LTBP1: variants seen among roughly 807,000 people sequenced by gnomAD.
The protein encoded by LTBP1 is latent transforming growth factor beta binding protein 1, also known as latent-transforming growth factor beta-binding protein 1.
Under a neutral mutation model 207.6 loss-of-function variants are expected in LTBP1, and 129 were observed. The ratio of observed to expected loss-of-function variants is 0.62; its 90% CI spans 0.54 to 0.72. The LOEUF is 0.72. Ranked by LOEUF, LTBP1 falls within the 30% of genes least tolerant of loss-of-function variation. The pLI is 0.00. For synonymous variants in LTBP1, 963 were observed against 833.7 expected (o/e 1.16, Z -2.67); for missense variants, 2,281 against 2,217.2 (o/e 1.03, Z -0.58).
At position 33,149,228 on chromosome 2, in the gene LTBP1, C is replaced by CAAAAAAAAAAA. The variant is rs58303103; in HGVS notation, c.1201+14285_1201+14295dup. Among the ~76,000 whole-genome samples, 84 of 82,758 alleles carry CAAAAAAAAAAA rather than the reference C, an allele frequency of 1.0e-3. 3 individuals carry two copies. Among genetic ancestry groups the CAAAAAAAAAAA allele is most frequent in the Non-Finnish European group, 1.2e-3 (54 of 44,432 alleles). 54.3% of individuals were successfully genotyped at this position (82,758 alleles called of 152,430 possible). On this transcript the variant is annotated intron_variant, in intron 5 of 33. Transcript: ENST00000404816. ...AGACTCCGTCTCACTCACAAAAAAA[C>CAAAAAAAAAAA]AAAAAAAAAAAAAAAAAAAAAAAAA...
intron 9 of LTBP1, among the ~76,000 whole-genome samples, chr2:33,226,178 C>T (rs897251905): frequency 1.1e-4 from 16 of 152,094 alleles, no homozygotes; most frequent in African/African-American, 2.9e-4. Flanking sequence ...TTGCCTGCTA[C>T]GATTATGGAA....
chr2:33,091,710 A>G (rs970458200), intron 3 of LTBP1, among the ~76,000 whole-genome samples: 8 of 152,178 alleles, frequency 5.3e-5, no homozygotes, highest in African/African-American at 1.9e-4. Flanking sequence ...GAATCCTCTG[A>G]CTAATCGCCC....
chr2:33,029,401 C>T (rs1258953804), intron 3 of LTBP1, among the ~76,000 whole-genome samples: 2 of 152,184 alleles, frequency 1.3e-5, no homozygotes, highest in East Asian at 1.9e-4. Flanking sequence ...CTCTTGAACC[C>T]GAGAGGTGGA....
chr2:33,389,078 A>C (rs1330553941), intron 31 of LTBP1, 106 bp from the exon 32 acceptor site: 121 of 1,484,126 alleles, frequency 8.2e-5, no homozygotes, highest in Non-Finnish European at 1.0e-4. Context: ...ATGGAGACAC[A>C]CGTGGAAGGG....
chr2:33,182,033 A>T lies in LTBP1; in HGVS notation c.1202-4823A>T, dbSNP rs530233966. On this transcript the variant is annotated intron_variant, in intron 5 of 33. Coordinates refer to ENST00000404816, the MANE Select transcript of LTBP1 (RefSeq NM_206943.4). Reference sequence around the variant, plus strand: ...TTATTGAGCTGAGACAAAGAGCTTTATATTGTCATTTAGATTTTAGAAATG... The same window carrying T: ...TTATTGAGCTGAGACAAAGAGCTTTTTATTGTCATTTAGATTTTAGAAATG... 2.0e-5 allele frequency among the ~76,000 whole-genome samples: 3 copies of T among 152,314 alleles called. No homozygotes were observed. The East Asian group carries it at 5.8e-4, about 29-fold the overall frequency.
intron 22 of LTBP1, among the ~76,000 whole-genome samples, chr2:33,303,382 G>A (rs576295989): frequency 5.9e-4 from 81 of 137,942 alleles, no homozygotes; most frequent in African/African-American, 1.9e-3. Flanking sequence ...ACGGAATCTC[G>A]CTCTGTCACC....
At chr2:33,309,684 T>C in intron 23 of LTBP1, 128 bp downstream of exon 23, 1 of 1,103,118 alleles carries the variant, frequency 9.1e-7, no homozygotes, top group Non-Finnish European at 1.3e-6. Flanking sequence ...TTTTTGATAT[T>C]AAAATAGCTG....
intron 3 of LTBP1, among the ~76,000 whole-genome samples, chr2:33,038,734 G>A (rs2076042853): frequency 6.6e-6 from 1 of 152,228 alleles, no homozygotes; most frequent in African/African-American, 2.4e-5. Context: ...TGTGCTGCAA[G>A]GAACCCATAG....
At chr2:33,327,421 TACAAGACTAAAGAACAATAGA>T (rs2094441372) in intron 24 of LTBP1, among the ~76,000 whole-genome samples, 1 of 152,216 alleles carries the variant, frequency 6.6e-6, no homozygotes, top group African/African-American at 2.4e-5. Context: ...CATCACCTTC[TACAAGACTAAAGAACAATAGA>T]ATACTGAAGA....
chr2:33,252,410 A>G (rs1383229369), intron 10 of LTBP1, among the ~76,000 whole-genome samples: 1 of 152,212 alleles, frequency 6.6e-6, no homozygotes, highest in African/African-American at 2.4e-5. Context: ...TTCATTACGC[A>G]CACATACCTA....
chr2:33,097,690 T>C (rs1267776865), intron 3 of LTBP1, among the ~76,000 whole-genome samples: 1 of 152,216 alleles, frequency 6.6e-6, no homozygotes, highest in African/African-American at 2.4e-5. Context: ...TATCTTTAAC[T>C]TTTTTAGTGC....
At chr2:32,988,429 A>G (rs772015312) in intron 2 of LTBP1, among the ~76,000 whole-genome samples, 1 of 152,170 alleles carries the variant, frequency 6.6e-6, no homozygotes, top group Non-Finnish European at 1.5e-5. Flanking sequence ...CTGAGCTCCT[A>G]AAGAGCCATA....
chr2:33,221,962 T>C (rs758165331), intron 8 of LTBP1, 118 bp from the exon 9 acceptor site: 5 of 651,126 alleles, frequency 7.7e-6, no homozygotes, highest in Non-Finnish European at 1.4e-5. Context: ...TATTGGTTTC[T>C]TATATTAATA....
At chr2:33,094,214 A>C (rs1370496122) in intron 3 of LTBP1, among the ~76,000 whole-genome samples, 1 of 152,202 alleles carries the variant, frequency 6.6e-6, no homozygotes, top group Non-Finnish European at 1.5e-5. Context: ...AGAAGGTTAA[A>C]TTAGCCCAAT....
chr2:33,081,695 TC>T (rs1388137496), intron 3 of LTBP1, among the ~76,000 whole-genome samples: 4 of 152,120 alleles, frequency 2.6e-5, no homozygotes, highest in African/African-American at 9.7e-5. Context: ...TTTGGCTGTG[TC>T]CCCACCCAAA....
At chr2:33,310,943 A>C (rs954270269) in intron 23 of LTBP1, among the ~76,000 whole-genome samples, 1 of 152,156 alleles carries the variant, frequency 6.6e-6, no homozygotes, top group African/African-American at 2.4e-5. Context: ...ATCTACCATT[A>C]TGGAACTGTG....
Position 33,195,260 on chromosome 2 carries a change from A to G in LTBP1, c.1701+6409A>G, listed in dbSNP as rs569421608. On this transcript the variant is annotated intron_variant, in intron 7 of 33. Coordinates refer to ENST00000404816, the MANE Select transcript of LTBP1 (RefSeq NM_206943.4). ...TACATTTTTTAAGGCTATTACTGCC[A>G]TAGATCATGATTCCTCTGATGGATC... Among the ~76,000 whole-genome samples, 71 of 152,366 alleles carry G rather than the reference A, an allele frequency of 4.7e-4. No homozygotes were observed. In the South Asian group the frequency reaches 0.011, roughly 24 times the overall value.
At chr2:33,086,589 A>T (rs973495485) in intron 3 of LTBP1, among the ~76,000 whole-genome samples, 11 of 152,242 alleles carry the variant, frequency 7.2e-5, no homozygotes, top group South Asian at 2.1e-4. Flanking sequence ...GTTCTCATTT[A>T]TTTCTTTATT....
At chr2:33,083,734 A>G (rs1156380271) in intron 3 of LTBP1, among the ~76,000 whole-genome samples, 2 of 152,244 alleles carry the variant, frequency 1.3e-5, no homozygotes. Flanking sequence ...TGTTACCTTA[A>G]GGCAGAGCTG....
Sources: allele counts gnomAD v4.1 joint callset (sites outside exome capture counted in the v4.1 genomes callset), GRCh38; gene constraint gnomAD v4.1.1; transcripts MANE v1.5; gene names NCBI Gene and HGNC (gene_info 2026-07-23, HGNC 2026-07-21).